The following OPTN variants were observed in gnomAD, a reference collection of about 807,000 sequenced individuals.
The protein encoded by OPTN is optineurin, also known as E3-14.7K-interacting protein.
OPTN carries 54 observed loss-of-function variants against 70.4 expected under a neutral mutation model. The ratio of observed to expected loss-of-function variants is 0.77; its 90% CI spans 0.62 to 0.96. OPTN has a LOEUF of 0.96. Ranked by LOEUF, OPTN falls within the 40% of genes least tolerant of loss-of-function variation. OPTN has a pLI of 0.00. For missense variants in OPTN, 624 were observed against 673.2 expected (o/e 0.93, Z 0.81); for synonymous variants, 256 against 248.5 (o/e 1.03, Z -0.28).
chr10:13,118,329 T>C (rs1055997741), intron 6 of OPTN, among the ~76,000 whole-genome samples: 3 of 152,238 alleles, frequency 2.0e-5, no homozygotes, highest in Non-Finnish European at 4.4e-5. Context: ...CTGATATGTC[T>C]CTTGATTTAG....
At chr10:13,111,080 A>C (rs1832984860) in intron 4 of OPTN, among the ~76,000 whole-genome samples, 2 of 152,144 alleles carry the variant, frequency 1.3e-5, no homozygotes, top group Non-Finnish European at 1.5e-5. Context: ...AACCCAGAAC[A>C]AGTTTGAAAT....
At position 13,132,086 on chromosome 10, in the gene OPTN, A is replaced by C; in HGVS notation, c.1421A>C (p.Asp474Ala). The C allele has an allele frequency of 6.2e-7, 1 of 1,613,084 alleles. No homozygotes were observed. The highest frequency in any genetic ancestry group is 8.5e-7 in the Non-Finnish European group (1 of 1,179,310). The change falls in exon 13 of 15, where the codon GAT (aspartate) becomes GCT (alanine). Residue 474 changes from aspartate to alanine, a missense_variant. By Grantham distance (126) the Asp-to-Ala change is moderately radical (BLOSUM62 -2). Transcript: ENST00000378747. ...LRAQMEVYCSDFHAERAAREK... is the reference protein window; with the variant it reads ...LRAQMEVYCSAFHAERAAREK... ...TAACAGATGGAAGTTTACTGTTCTG[A>C]TTTTCATGCTGAAAGAGCAGCGAGA...
chr10:13,129,037 C>G (rs1281256584), intron 12 of OPTN, among the ~76,000 whole-genome samples: 1 of 152,038 alleles, frequency 6.6e-6, no homozygotes, highest in African/African-American at 2.4e-5. Context: ...TTTTACTACC[C>G]CAAGGCCAGG....
rs1303019843 is a variant in OPTN at position 13,122,380 on chromosome 10, TC to T, written c.780-3del. ...GTAACTTTTCTATCTTCTGTGATTT[TC>T]CAGAGTTTCAGATTTTGAAAAGAAA... On this transcript the variant is annotated splice_region_variant and splice_polypyrimidine_tract_variant and intron_variant, in intron 7 of 14. Transcript: ENST00000378747. The T allele has an allele frequency of 6.2e-7, 1 of 1,601,534 alleles. No homozygotes were observed. The highest frequency in any genetic ancestry group is 8.6e-7 in the Non-Finnish European group (1 of 1,168,550).
chr10:13,100,543 A>G (rs531216860), intron 1 of OPTN, among the ~76,000 whole-genome samples: 1 of 152,358 alleles, frequency 6.6e-6, no homozygotes, highest in East Asian at 1.9e-4. Context: ...GGTGGGCCCA[A>G]GAAGGGTCCA....
In OPTN at chr10:13,109,264, C is replaced by T; in HGVS notation, c.142C>T (p.Leu48=). 3.7e-6 allele frequency: 6 copies of T among 1,613,978 alleles called. No individual in the cohort carries two copies. Among genetic ancestry groups the T allele is most frequent in the Non-Finnish European group, 5.1e-6 (6 of 1,179,950 alleles). The change falls in exon 3 of 15, where the codon CTG becomes TTG. Residue 48 remains leucine (L), a synonymous_variant. Transcript: ENST00000378747. ...GCTGCTGCAGCAGATGAAAGAGCTCCTGACCGAGAACCACCAGCTGAAAGG... is the reference window on the plus strand; with the variant it reads ...GCTGCTGCAGCAGATGAAAGAGCTCTTGACCGAGAACCACCAGCTGAAAGG... ...EELLQQMKEL[L]TENHQLKEAM...
At position 13,109,201 on chromosome 10, in the gene OPTN, C is replaced by T; in HGVS notation, c.79C>T (p.Leu27=). 1.2e-6 allele frequency: 2 copies of T among 1,614,020 alleles called. No individual in the cohort carries two copies. ...SESTGNGPPH[L]AHPNLDTFTP... ...AAGCACAGGAAATGGACCCCCCCAC[C>T]TGGCCCACCCAAACCTGGACACGTT... The change falls in exon 3 of 15, where the codon CTG becomes TTG. Residue 27 remains leucine (L), a synonymous_variant. Transcript: ENST00000378747.
intron 2 of OPTN, 73 bp from the exon 3 acceptor site, chr10:13,109,039 G>C: frequency 2.2e-6 from 3 of 1,368,782 alleles, no homozygotes; most frequent in Admixed American, 3.3e-5. Context: ...ATCGCCAATG[G>C]GTTTGTGGGA....
At chr10:13,127,086 C>A (rs1833483489) in intron 11 of OPTN, among the ~76,000 whole-genome samples, 1 of 152,112 alleles carries the variant, frequency 6.6e-6, no homozygotes, top group Non-Finnish European at 1.5e-5. Flanking sequence ...TTAGAGACCA[C>A]AGAAGCTTGT....
rs565091452 is a variant in OPTN, at chr10:13,128,363, TCCTTTA to T, written c.1401+461_1401+466del. The stretch of plus-strand genomic sequence containing the variant: ...CCAACACTTCTATTATCAGTCATTT[TCCTTTA>T]ACCACTCTGGAGGGTATATAGTGGT... On this transcript the variant is annotated intron_variant, in intron 12 of 14. Transcript: ENST00000378747. Among the ~76,000 whole-genome samples, 593 of 152,310 alleles carry T rather than the reference TCCTTTA, an allele frequency of 3.9e-3. 6 individuals are homozygous for T. The highest frequency in any genetic ancestry group is 0.014 in the African/African-American group (573 of 41,570).
intron 3 of OPTN, chr10:13,109,586 G>A (rs1478247168): frequency 8.2e-6 from 3 of 365,556 alleles, no homozygotes; most frequent in African/African-American, 4.2e-5. Flanking sequence ...ATCACTTTGG[G>A]AGGCCGAGGC....
chr10:13,130,060 C>A (rs1331377354), intron 12 of OPTN, among the ~76,000 whole-genome samples: 1 of 152,140 alleles, frequency 6.6e-6, no homozygotes, highest in African/African-American at 2.4e-5. Context: ...TCATTCTAGA[C>A]ATAGACATTT....
At position 13,104,880 on chromosome 10, in the gene OPTN, G is replaced by A. The variant is rs150392555; in HGVS notation, c.-163-3258G>A. ...ACAGCATGGGGGTGACCAGGGGCCC[G>A]ACCGCAGGACCGGGAGGCGAGTCGG... On this transcript the variant is annotated intron_variant, in intron 1 of 14. Coordinates refer to ENST00000378747, the MANE Select transcript of OPTN (RefSeq NM_001008212.2). 642 of 297,390 alleles carry A rather than the reference G, an allele frequency of 2.2e-3. 6 individuals carry two copies. The highest frequency in any genetic ancestry group is 0.013 in the African/African-American group (580 of 44,252). 18.4% of individuals were successfully genotyped at this position (297,390 alleles called of 1,614,324 possible). A position where few individuals can be genotyped will look rare whatever the true frequency, so the allele number is the denominator to read the frequency against.
intron 5 of OPTN, among the ~76,000 whole-genome samples, chr10:13,115,224 TATATAG>T (rs1833144865): frequency 1.4e-4 from 1 of 7,182 alleles, no homozygotes; most frequent in African/African-American, 3.7e-4. Context: ...TATATATTTA[TATATAG>T]ATATATCTAT....
chr10:13,114,488 C>G (rs1454426150), intron 5 of OPTN, among the ~76,000 whole-genome samples: 1 of 151,760 alleles, frequency 6.6e-6, no homozygotes, highest in Non-Finnish European at 1.5e-5. Context: ...CTTCAGGGTG[C>G]ATGGTTAGCA....
In OPTN at chr10:13,127,668, A is replaced by G. The variant is rs1833496488; in HGVS notation, c.1243-77A>G. 4.0e-6 allele frequency: 6 copies of G among 1,483,840 alleles called. No individual in the cohort carries two copies. In the Admixed American group the frequency reaches 1.1e-4, roughly 26 times the overall value. 91.9% of individuals were successfully genotyped at this position (1,483,840 alleles called of 1,614,324 possible). A position where few individuals can be genotyped will look rare whatever the true frequency, so the allele number is the denominator to read the frequency against. On this transcript the variant is annotated intron_variant, in intron 11 of 14. Transcript: ENST00000378747. ...GGCCAGAGCTGATAATTAAAAAAAT[A>G]AACCTTTTTCTAATATTTTACTAAA...
At chr10:13,129,572 C>CA (rs1564367510) in intron 12 of OPTN, among the ~76,000 whole-genome samples, 1 of 151,954 alleles carries the variant, frequency 6.6e-6, no homozygotes, top group East Asian at 1.9e-4. Flanking sequence ...ATGGTGGTCT[C>CA]GAACAGTTGA....
chr10:13,125,849 AT>A, intron 10 of OPTN, 96 bp from the exon 11 acceptor site: 1 of 932,420 alleles, frequency 1.1e-6, no homozygotes, highest in Non-Finnish European at 1.7e-6. Flanking sequence ...AGGCGAGAAG[AT>A]TTTTCTACTG....
chr10:13,129,159 T>C (rs955279378), intron 12 of OPTN, among the ~76,000 whole-genome samples: 6 of 152,094 alleles, frequency 3.9e-5, no homozygotes, highest in Non-Finnish European at 8.8e-5. Context: ...TAAGGGTAAA[T>C]ATTTATTTTT....
Sources: gnomAD v4.1 joint callset for allele counts (sites outside exome capture counted in the v4.1 genomes callset) on GRCh38, gnomAD v4.1.1 for gene constraint, MANE v1.5 for transcripts, NCBI Gene and HGNC (gene_info 2026-07-23, HGNC 2026-07-21) for gene names.